Variants in SOBP observed in about 807,000 individuals in gnomAD.
SOBP encodes sine oculis binding protein homolog.
SOBP carries 4 observed loss-of-function variants against 53.6 expected under a neutral mutation model. That is an observed-to-expected ratio of 0.07 (90% CI 0.04 to 0.17). The LOEUF (loss-of-function observed/expected upper bound fraction) is 0.17. Ranked by LOEUF, SOBP falls within the 10% of genes least tolerant of loss-of-function variation. The probability of loss-of-function intolerance (pLI) is 1.00; values close to 1 mark genes in which losing one functional copy is unlikely to be tolerated. For missense variants in SOBP, 1,088 were observed against 1,204.7 expected, an observed-to-expected ratio of 0.90 and a Z score of 1.43; for synonymous variants, 584 against 522.6, an observed-to-expected ratio of 1.12 and a Z score of -1.60.
intron 3 of SOBP, chr6:107,514,899 T>C (rs1371081949): frequency 1.3e-5 from 2 of 152,244 alleles, no homozygotes; most frequent in Non-Finnish European, 2.9e-5. Flanking sequence ...TGTATAGTTA[T>C]AACAGCCAGA....
intron 4 of SOBP, among the ~76,000 whole-genome samples, chr6:107,584,132 C>T (rs77402067): frequency 7.9e-4 from 120 of 152,068 alleles, no homozygotes; most frequent in African/African-American, 2.8e-3. Flanking sequence ...CTCCTTAGAT[C>T]GGCAGTTCTC....
At chr6:107,611,219 G>C (rs929728027) in intron 5 of SOBP, among the ~76,000 whole-genome samples, 1 of 152,244 alleles carries the variant, frequency 6.6e-6, no homozygotes, top group African/African-American at 2.4e-5. Context: ...GTCTTTGTGG[G>C]ACTGTTTGAG....
chr6:107,490,170 GC>G lies in SOBP; in HGVS notation c.-445del, dbSNP rs1782536492. 1 of 149,222 alleles carries G rather than the reference GC, an allele frequency of 6.7e-6. No individual in the cohort carries two copies. The highest frequency in any genetic ancestry group is 2.4e-5 in the African/African-American group (1 of 40,996). The allele number at this position is 149,222 out of a possible 1,614,324, so 9.2% of individuals were successfully genotyped here. A position where few individuals can be genotyped will look rare whatever the true frequency, so the allele number is the denominator to read the frequency against. ...ACGCACGCCCGGGGCCGCTCTCCGC[GC>G]CGGCCCTTGCTCCCCGCGCCCATGC... On this transcript the variant is annotated 5_prime_UTR_variant, in exon 1 of 7. Transcript: ENST00000317357.
At chr6:107,649,591 C>T (rs1771717094) in intron 6 of SOBP, among the ~76,000 whole-genome samples, 1 of 151,762 alleles carries the variant, frequency 6.6e-6, no homozygotes, top group African/African-American at 2.4e-5. Context: ...TGCAGAACAG[C>T]TCTATCATGT....
At chr6:107,563,083 C>T (rs1043331228) in intron 4 of SOBP, among the ~76,000 whole-genome samples, 3 of 151,930 alleles carry the variant, frequency 2.0e-5, no homozygotes, top group African/African-American at 7.3e-5. Flanking sequence ...AACTGAGACC[C>T]TGTCTCTACA....
In SOBP at chr6:107,634,999, G is replaced by T; in HGVS notation, c.2155G>T (p.Ala719Ser). The T allele has an allele frequency of 2.7e-6, 3 of 1,118,152 alleles. No homozygotes were observed. Among genetic ancestry groups the T allele is most frequent in the Admixed American group, 5.1e-5 (1 of 19,658 alleles). The allele number at this position is 1,118,152 out of a possible 1,614,324, so 69.3% of individuals were successfully genotyped here. The change falls in exon 6 of 7, where the codon GCC becomes TCC. Residue 719 changes from alanine to serine, a missense_variant. Transcript: ENST00000317357. The surrounding 1 kb of genome is among the most constrained non-coding windows in gnomAD (Gnocchi z 4.5). ...GAPAGPEAAAACNVIVNGTRG... is the reference protein window; with the variant it reads ...GAPAGPEAAASCNVIVNGTRG... The stretch of plus-strand genomic sequence containing the variant: ...CCCGGCGGGCCCCGAGGCGGCCGCG[G>T]CCTGCAACGTCATCGTGAACGGCAC...
rs548057791 is a variant in SOBP, at chr6:107,546,119, G to T, written c.573+12509G>T. Among the ~76,000 whole-genome samples the T allele has an allele frequency of 2.0e-5, 3 of 152,298 alleles. No homozygotes were observed. In the South Asian group the frequency reaches 6.2e-4, roughly 32 times the overall value. On this transcript the variant is annotated intron_variant, in intron 4 of 6. Coordinates refer to ENST00000317357, the MANE Select transcript of SOBP (RefSeq NM_018013.4). ...TAAAGACCAATGGGAAATGGAGAGG[G>T]CACACAGATGACATTTCGGAAAGCA...
At chr6:107,619,434 C>T (rs568130936) in intron 5 of SOBP, among the ~76,000 whole-genome samples, 6 of 152,304 alleles carry the variant, frequency 3.9e-5, no homozygotes, top group Admixed American at 3.3e-4. Context: ...TGGCAGCCTG[C>T]ACTGAGAACC....
chr6:107,654,388 G>T (rs976559922), intron 6 of SOBP, among the ~76,000 whole-genome samples: 1 of 152,126 alleles, frequency 6.6e-6, no homozygotes, highest in African/African-American at 2.4e-5. Context: ...TACAATTGTG[G>T]CCACTTCCCC....
At chr6:107,631,150 T>A (rs1318479157) in intron 5 of SOBP, among the ~76,000 whole-genome samples, 1 of 152,212 alleles carries the variant, frequency 6.6e-6, no homozygotes, top group East Asian at 1.9e-4. Flanking sequence ...AGGCAAATAA[T>A]TCAATCTGGC....
chr6:107,522,700 G>A (rs982534930), intron 3 of SOBP, among the ~76,000 whole-genome samples: 1 of 151,692 alleles, frequency 6.6e-6, no homozygotes, highest in African/African-American at 2.4e-5. Context: ...GCACGATCAT[G>A]CCCAGCTAAT....
chr6:107,515,816 T>C (rs998163417), intron 3 of SOBP, among the ~76,000 whole-genome samples: 1 of 152,184 alleles, frequency 6.6e-6, no homozygotes, highest in Non-Finnish European at 1.5e-5. Context: ...AGCAAAATTA[T>C]AGCAAACCAA....
At chr6:107,597,033 T>A (rs562538849) in intron 5 of SOBP, among the ~76,000 whole-genome samples, 1 of 152,322 alleles carries the variant, frequency 6.6e-6, no homozygotes, top group Admixed American at 6.5e-5. Context: ...TTTGGTTTCC[T>A]TTGAATGGAA....
intron 5 of SOBP, among the ~76,000 whole-genome samples, chr6:107,590,808 T>C (rs1320770731): frequency 6.6e-6 from 1 of 152,200 alleles, no homozygotes; most frequent in Non-Finnish European, 1.5e-5. Context: ...CATTTCCTCG[T>C]GGATGTAGAC....
chr6:107,509,409 A>C (rs570679692), intron 3 of SOBP, among the ~76,000 whole-genome samples: 12 of 151,682 alleles, frequency 7.9e-5, no homozygotes, highest in South Asian at 2.1e-4. Flanking sequence ...AAAAAAAAAA[A>C]ACAAAACAAA....
At chr6:107,547,649 A>T (rs185047333) in intron 4 of SOBP, among the ~76,000 whole-genome samples, 1 of 152,342 alleles carries the variant, frequency 6.6e-6, no homozygotes, top group East Asian at 1.9e-4. Flanking sequence ...ATCAAAATGT[A>T]CTCAGCCTCT....
intron 4 of SOBP, among the ~76,000 whole-genome samples, chr6:107,586,596 A>T (rs1206603438): frequency 6.6e-6 from 1 of 152,096 alleles, no homozygotes; most frequent in Non-Finnish European, 1.5e-5. Flanking sequence ...ATCTTTATTT[A>T]AAAATGGAGG....
At chr6:107,576,573 A>G (rs760709243) in intron 4 of SOBP, among the ~76,000 whole-genome samples, 17 of 152,218 alleles carry the variant, frequency 1.1e-4, no homozygotes, top group Non-Finnish European at 2.1e-4. Flanking sequence ...CAGGCCGAGT[A>G]CACAGATCAA....
intron 4 of SOBP, among the ~76,000 whole-genome samples, chr6:107,546,737 T>C (rs1372264879): frequency 1.3e-5 from 2 of 152,346 alleles, no homozygotes; most frequent in African/African-American, 4.8e-5. Flanking sequence ...CAAAAAACAG[T>C]ATTTATGTCT....
Sources: allele counts gnomAD v4.1 joint callset (sites outside exome capture counted in the v4.1 genomes callset), GRCh38; gene constraint gnomAD v4.1.1; non-coding constraint Gnocchi (gnomAD v3.1); transcripts MANE v1.5; gene names NCBI Gene and HGNC (gene_info 2026-07-23, HGNC 2026-07-21).